The following CCDC73 variants were observed in gnomAD, a reference collection of about 807,000 sequenced individuals.
The protein encoded by CCDC73 is coiled-coil domain-containing protein 73.
In CCDC73, 95 loss-of-function variants were observed where a neutral mutation model predicts 116.5. The observed-to-expected ratio is 0.82, with a 90% CI of 0.69 to 0.97. The LOEUF (loss-of-function observed/expected upper bound fraction) is 0.97, where lower values mean the gene tolerates loss of function less well. CCDC73 is among the 50% of genes least tolerant of loss of function. The pLI, the probability that CCDC73 is intolerant of heterozygous loss-of-function variation, is 0.00. For missense variants in CCDC73, 1,066 were observed against 1,206.8 expected (o/e 0.88, Z 1.73); for synonymous variants, 398 against 401.3 (o/e 0.99, Z 0.10).
chr11:32,830,434 A>C, the CCDC73 span: 1 of 1,183,516 alleles, frequency 8.4e-7, no homozygotes, highest in African/African-American at 1.6e-5. Context: ...CAGGTTGGTG[A>C]TTCAGTTCGA....
At chr11:32,603,319 A>G in intron 17 of CCDC73, 1 of 258,278 alleles carries the variant, frequency 3.9e-6, no homozygotes, top group Non-Finnish European at 7.3e-6. Flanking sequence ...GGGCAGTGAG[A>G]TATTTGGAAG....
chr11:32,665,344 G>A (rs1855970358), intron 9 of CCDC73, among the ~76,000 whole-genome samples: 1 of 152,276 alleles, frequency 6.6e-6, no homozygotes, highest in Non-Finnish European at 1.5e-5. Context: ...GGGTGCTCCT[G>A]TATTGGGTGC....
At chr11:32,736,959 C>T (rs369137045) in intron 2 of CCDC73, among the ~76,000 whole-genome samples, 2 of 148,804 alleles carry the variant, frequency 1.3e-5, no homozygotes, top group Middle Eastern at 3.5e-3. Flanking sequence ...TATATACACA[C>T]ATATACATAT....
intron 1 of CCDC73, among the ~76,000 whole-genome samples, chr11:32,781,446 C>T (rs926664643): frequency 1.3e-5 from 2 of 152,200 alleles, no homozygotes; most frequent in African/African-American, 4.8e-5. Flanking sequence ...ATCACTCTCT[C>T]CTCTTTCTCC....
At chr11:32,632,372 C>T (rs984167950) in intron 14 of CCDC73, among the ~76,000 whole-genome samples, 6 of 152,052 alleles carry the variant, frequency 3.9e-5, no homozygotes, top group South Asian at 4.2e-4. Context: ...ACTACAGGCG[C>T]GTGCCACCAT....
At chr11:32,811,633 T>C in the CCDC73 span, among the ~76,000 whole-genome samples, 1 of 152,068 alleles carries the variant, frequency 6.6e-6, no homozygotes, top group African/African-American at 2.4e-5. Flanking sequence ...AAACTTATAT[T>C]ATGTCAGAAG....
chr11:32,663,551 G>A (rs1157558936), intron 9 of CCDC73, among the ~76,000 whole-genome samples: 2 of 152,220 alleles, frequency 1.3e-5, no homozygotes, highest in African/African-American at 4.8e-5. Flanking sequence ...CTTTGCTGAA[G>A]TTGCTTATCA....
chr11:32,607,283 G>A (rs573108554), intron 17 of CCDC73, among the ~76,000 whole-genome samples: 1,687 of 148,660 alleles, frequency 0.011, 39 homozygotes, highest in African/African-American at 0.039. Context: ...TAGTAGAGAC[G>A]GGGTTTCACC....
intron 2 of CCDC73, among the ~76,000 whole-genome samples, chr11:32,759,287 T>G (rs971241455): frequency 1.3e-5 from 2 of 151,970 alleles, no homozygotes; most frequent in Admixed American, 1.3e-4. Context: ...TTAATGGGAT[T>G]TGCACAATAT....
At chr11:32,711,495 C>G (rs1190871293) in intron 3 of CCDC73, among the ~76,000 whole-genome samples, 2 of 150,060 alleles carry the variant, frequency 1.3e-5, no homozygotes, top group Non-Finnish European at 2.9e-5. Flanking sequence ...TCACAGCAAC[C>G]TGGATGAAAT....
intron 9 of CCDC73, among the ~76,000 whole-genome samples, chr11:32,661,645 C>A (rs991952315): frequency 1.3e-5 from 2 of 151,510 alleles, no homozygotes; most frequent in Non-Finnish European, 2.9e-5. Flanking sequence ...TTTTTTATGG[C>A]TGCATAGTAT....
chr11:32,830,093 C>G, the CCDC73 span: 72,534 of 990,548 alleles, frequency 0.073, 2,955 homozygotes, highest in Non-Finnish European at 0.078. Flanking sequence ...CGCCGGAGAC[C>G]GAGGGCCTGG....
At chr11:32,800,477 T>G in the CCDC73 span, among the ~76,000 whole-genome samples, 1 of 152,192 alleles carries the variant, frequency 6.6e-6, no homozygotes, top group South Asian at 2.1e-4. Flanking sequence ...ATACTCTTAA[T>G]AAGACTTTTG....
chr11:32,826,928 C>T, the CCDC73 span, among the ~76,000 whole-genome samples: 1 of 152,272 alleles, frequency 6.6e-6, no homozygotes, highest in African/African-American at 2.4e-5. Context: ...ATGGCGCGAT[C>T]TCGGCTCACT....
chr11:32,621,310 G>T (rs905326024), intron 14 of CCDC73, among the ~76,000 whole-genome samples: 9 of 152,096 alleles, frequency 5.9e-5, no homozygotes, highest in African/African-American at 1.7e-4. Context: ...ACTTGGTATT[G>T]GTACCAAAAC....
intron 1 of CCDC73, among the ~76,000 whole-genome samples, chr11:32,776,989 G>GTATGTATATATATA (rs1850541022): frequency 9.9e-6 from 1 of 101,128 alleles, no homozygotes; most frequent in Non-Finnish European, 2.0e-5. Context: ...ATATACACAT[G>GTATGTATATATATA]TATATATATA....
At chr11:32,774,375 TATTCTCTCTTG>T (rs777429974) in intron 1 of CCDC73, among the ~76,000 whole-genome samples, 15 of 152,220 alleles carry the variant, frequency 9.9e-5, no homozygotes, top group Non-Finnish European at 1.5e-4. Flanking sequence ...AATCATTGTC[TATTCTCTCTTG>T]TCTCTGTGAG....
At chr11:32,804,763 T>C in the CCDC73 span, among the ~76,000 whole-genome samples, 1 of 152,208 alleles carries the variant, frequency 6.6e-6, no homozygotes, top group African/African-American at 2.4e-5. Flanking sequence ...AGATTTAGTC[T>C]ATAACCTCAA....
intron 9 of CCDC73, among the ~76,000 whole-genome samples, chr11:32,658,675 T>G (rs1412627752): frequency 6.6e-6 from 1 of 152,092 alleles, no homozygotes; most frequent in East Asian, 1.9e-4. Flanking sequence ...GAATAAAAAC[T>G]TGAGAAAAGA....
Sources: allele counts gnomAD v4.1 joint callset (sites outside exome capture counted in the v4.1 genomes callset), GRCh38; gene constraint gnomAD v4.1.1; transcripts MANE v1.5; gene names NCBI Gene and HGNC (gene_info 2026-07-23, HGNC 2026-07-21).